The following IRX5 variants were observed in gnomAD, a reference collection of about 807,000 sequenced individuals.
The protein encoded by IRX5 is iroquois-class homeodomain protein IRX-5.
Under a neutral mutation model 37.6 loss-of-function variants are expected in IRX5, and 8 were observed. The ratio of observed to expected loss-of-function variants is 0.21; its 90% CI spans 0.12 to 0.38. IRX5 has a LOEUF of 0.38. IRX5 is among the 10% of genes least tolerant of loss of function. The probability of loss-of-function intolerance (pLI) is 1.00; values close to 1 mark genes in which losing one functional copy is unlikely to be tolerated. For synonymous variants in IRX5, 359 were observed against 328.6 expected (o/e 1.09, Z -1.00); for missense variants, 635 against 695.2 (o/e 0.91, Z 0.97).
chr16:54,931,411 C>T lies in IRX5; in HGVS notation c.213C>T (p.Pro71=), dbSNP rs1473572457. 1.3e-6 allele frequency: 2 copies of T among 1,593,006 alleles called. No homozygotes were observed. Among genetic ancestry groups the T allele is most frequent in the African/African-American group, 1.3e-5 (1 of 74,482 alleles). ...YNSHLQYGAD[P]AAAAAAAFSS... ...CGCACCTCCAGTACGGCGCCGACCC[C>T]GCGGCCGCCGCCGCCGCCGCCTTCT... Residue 71 remains proline, a synonymous_variant, in exon 1 of 3, where the codon CCC becomes CCT. Coordinates refer to ENST00000394636, the MANE Select transcript of IRX5 (RefSeq NM_005853.6).
rs755039206 is a variant in IRX5, at chr16:54,931,419, C to T, written c.221C>T (p.Ala74Val). 9 of 1,589,932 alleles carry T rather than the reference C, an allele frequency of 5.7e-6. No homozygotes were observed. The African/African-American group carries it at 1.1e-4, about 19-fold the overall frequency. ...HLQYGADPAA[A>V]AAAAFSSYVG... ...CAGTACGGCGCCGACCCCGCGGCCGCCGCCGCCGCCGCCTTCTCCTCGTAC... is the reference window on the plus strand; with the variant it reads ...CAGTACGGCGCCGACCCCGCGGCCGTCGCCGCCGCCGCCTTCTCCTCGTAC... Residue 74 changes from alanine to valine, a missense_variant, in exon 1 of 3, where the codon GCC becomes GTC. Ala to Val is a moderately conservative substitution (Grantham distance 64, BLOSUM62 0). This residue lies in a region of IRX5 where 145 missense variants were observed against 152.4 expected (regional missense o/e 0.95). Transcript: ENST00000394636.
Position 54,933,122 on chromosome 16 carries a change from GACC to G in IRX5, c.705_707del (p.Pro236del). On this transcript the variant is annotated inframe_deletion, in exon 3 of 3. Coordinates refer to ENST00000394636, the MANE Select transcript of IRX5 (RefSeq NM_005853.6). Reference sequence around the variant, plus strand: ...GCTTCGGGCTGCGAACGGCTTCAGGGACCACCCACCCCTGCAGGCAAGGAGACG... The same window carrying G: ...GCTTCGGGCTGCGAACGGCTTCAGGGACCCACCCCTGCAGGCAAGGAGACG... 1 of 1,588,186 alleles carries G rather than the reference GACC, an allele frequency of 6.3e-7. No homozygotes were observed. Among genetic ancestry groups the G allele is most frequent in the Non-Finnish European group, 8.5e-7 (1 of 1,173,564 alleles).
chr16:54,932,770 G>A lies in IRX5; in HGVS notation c.522G>A (p.Glu174=), dbSNP rs766798749. The change falls in exon 2 of 3, where the codon GAG becomes GAA. Residue 174 remains glutamate, a synonymous_variant. Transcript: ENST00000394636. This position sits in a 1 kb window ranked among gnomAD's most constrained non-coding sequence, Gnocchi z 6.7. ...ACGCGCGCCGGCGCCTCAAGAAAGA[G>A]AATAAAATGACGTGGACGCCGCGGA... The part of the protein sequence containing the change: ...FANARRRLKK[E]NKMTWTPRNR... 9.3e-6 allele frequency: 15 copies of A among 1,614,112 alleles called. No individual in the cohort carries two copies. The highest frequency in any genetic ancestry group is 1.2e-5 in the Non-Finnish European group (14 of 1,180,020).
In IRX5 at chr16:54,933,544, C is replaced by G. The variant is rs779616237; in HGVS notation, c.1123C>G (p.Arg375Gly). 2.5e-6 allele frequency: 4 copies of G among 1,607,196 alleles called. No homozygotes were observed. Among genetic ancestry groups the G allele is most frequent in the Non-Finnish European group, 3.4e-6 (4 of 1,176,772 alleles). The change falls in exon 3 of 3, where the codon CGG becomes GGG. Residue 375 changes from arginine to glycine, a missense_variant. Physicochemically the swap from Arg to Gly is moderately radical, Grantham distance 125. Transcript: ENST00000394636. ...AGCCGGGCAAGCCCTAGGAGGCAGC[C>G]GGGCGTCGCCGGCCCCGGCGCCGTC... ...PIAGQALGGS[R>G]ASPAPAPSRS...
At chr16:54,933,047 C>A (rs746270561) in intron 2 of IRX5, 30 bp from the exon 3 acceptor site, 5 of 1,602,850 alleles carry the variant, frequency 3.1e-6, no homozygotes, top group Admixed American at 1.7e-5. Context: ...GCGGCCTCTG[C>A]GCCCCTGACA....
chr16:54,932,821 G>C lies in IRX5; in HGVS notation c.573G>C (p.Glu191Asp), dbSNP rs750030693. 2 of 1,614,068 alleles carry C rather than the reference G, an allele frequency of 1.2e-6. No homozygotes were observed. The highest frequency in any genetic ancestry group is 1.7e-6 in the Non-Finnish European group (2 of 1,180,046). Residue 191 changes from glutamate (E) to aspartate (D), a missense_variant, in exon 2 of 3, where the codon GAG (glutamate) becomes GAC (aspartate). By Grantham distance (45) the Glu-to-Asp change is conservative. This residue lies in a region of IRX5 where 244 missense variants were observed against 205.4 expected (regional missense o/e 1.19). Coordinates refer to ENST00000394636, the MANE Select transcript of IRX5 (RefSeq NM_005853.6). The surrounding 1 kb of genome is among the most constrained non-coding windows in gnomAD (Gnocchi z 6.7). ...PRNRSEDEEE[E>D]ENIDLEKNDE... ...ACCGCAGCGAGGACGAGGAAGAGGAGGAGAACATTGACCTGGAGAAGAACG... is the reference window on the plus strand; with the variant it reads ...ACCGCAGCGAGGACGAGGAAGAGGACGAGAACATTGACCTGGAGAAGAACG...
In IRX5 at chr16:54,933,355, G is replaced by C; in HGVS notation, c.934G>C (p.Gly312Arg). The C allele has an allele frequency of 6.7e-7, 1 of 1,498,122 alleles. No individual in the cohort carries two copies. The highest frequency in any genetic ancestry group is 8.9e-7 in the Non-Finnish European group (1 of 1,128,234). The allele number at this position is 1,498,122 out of a possible 1,614,324, so 92.8% of individuals were successfully genotyped here. Residue 312 changes from glycine to arginine, a missense_variant, in exon 3 of 3, where the codon GGC becomes CGC. Gly to Arg is a moderately radical substitution (Grantham distance 125). Coordinates refer to ENST00000394636, the MANE Select transcript of IRX5 (RefSeq NM_005853.6). ...PAAGEVPPGPGGPSVIHSPPP... is the reference protein window; with the variant it reads ...PAAGEVPPGPRGPSVIHSPPP... Reference sequence around the variant, plus strand: ...CGCGGGCGAGGTGCCTCCGGGTCCCGGCGGGCCCTCGGTTATCCATTCGCC... The same window carrying C: ...CGCGGGCGAGGTGCCTCCGGGTCCCCGCGGGCCCTCGGTTATCCATTCGCC...
chr16:54,934,372 C>T lies in IRX5; in HGVS notation c.*499C>T, dbSNP rs577036213. On this transcript the variant is annotated 3_prime_UTR_variant, in exon 3 of 3. Transcript: ENST00000394636. Reference sequence around the variant, plus strand: ...TCTTAGATTTAAAAAGTGAAAGAAACTGCAGGCGCCTTTGTAAAATGCAAA... The same window carrying T: ...TCTTAGATTTAAAAAGTGAAAGAAATTGCAGGCGCCTTTGTAAAATGCAAA... 6.5e-6 allele frequency: 1 copy of T among 152,760 alleles called. No homozygotes were observed. Among genetic ancestry groups the T allele is most frequent in the African/African-American group, 2.4e-5 (1 of 41,578 alleles). The allele number at this position is 152,760 out of a possible 1,614,324, so 9.5% of individuals were successfully genotyped here. A position where few individuals can be genotyped will look rare whatever the true frequency, so the allele number is the denominator to read the frequency against.
In IRX5 at chr16:54,933,132, C is replaced by G. The variant is rs1423612986; in HGVS notation, c.711C>G (p.Thr237=). 6 of 1,586,474 alleles carry G rather than the reference C, an allele frequency of 3.8e-6. No homozygotes were observed. Among genetic ancestry groups the G allele is most frequent in the Non-Finnish European group, 5.1e-6 (6 of 1,173,112 alleles). Residue 237 remains threonine (T), a synonymous_variant, in exon 3 of 3, where the codon ACC becomes ACG. Coordinates refer to ENST00000394636, the MANE Select transcript of IRX5 (RefSeq NM_005853.6). The part of the protein sequence containing the change: ...SGCERLQGPP[T]PAGKETEGSL... ...GCGAACGGCTTCAGGGACCACCCAC[C>G]CCTGCAGGCAAGGAGACGGAGGGCA...
rs1234605957 is a variant in IRX5 at position 54,931,073 on chromosome 16, A to T, written c.-126A>T. 1.6e-6 allele frequency: 1 copy of T among 618,572 alleles called. No homozygotes were observed. Among genetic ancestry groups the T allele is most frequent in the Admixed American group, 5.9e-5 (1 of 16,818 alleles). 38.3% of individuals were successfully genotyped at this position (618,572 alleles called of 1,614,324 possible). A position where few individuals can be genotyped will look rare whatever the true frequency, so the allele number is the denominator to read the frequency against. ...GAGGCGCCGCGGGCCGGAGCCCCGG[A>T]GCCGGGGCCAGAGGAGCGGCGGCCC... is the stretch of plus-strand genomic sequence containing the variant. On this transcript the variant is annotated 5_prime_UTR_variant, in exon 1 of 3. Transcript: ENST00000394636.
chr16:54,932,950 AAGAG>A lies in IRX5; in HGVS notation c.655+50_655+53del. ...CGTGTTGGGCGGGAGTAAAAAGGAAAAGAGAGGCCTGGAGGGGGCGCGCACGGGG... is the reference window on the plus strand; with the variant it reads ...CGTGTTGGGCGGGAGTAAAAAGGAAAAGGCCTGGAGGGGGCGCGCACGGGG... On this transcript the variant is annotated intron_variant, in intron 2 of 2. Transcript: ENST00000394636. The surrounding 1 kb of genome is among the most constrained non-coding windows in gnomAD (Gnocchi z 6.7). 1 of 1,585,284 alleles carries A rather than the reference AAGAG, an allele frequency of 6.3e-7. No homozygotes were observed. Among genetic ancestry groups the A allele is most frequent in the Admixed American group, 1.8e-5 (1 of 54,810 alleles).
In IRX5 at chr16:54,931,384, C is replaced by T. The variant is rs1273132819; in HGVS notation, c.186C>T (p.Asn62=). 1.2e-6 allele frequency: 2 copies of T among 1,602,644 alleles called. No homozygotes were observed. The highest frequency in any genetic ancestry group is 1.3e-5 in the African/African-American group (1 of 74,828). Residue 62 remains asparagine, a synonymous_variant, in exon 1 of 3, where the codon AAC becomes AAT. Transcript: ENST00000394636. The part of the protein sequence containing the change: ...TAFTAPSPGY[N]SHLQYGADPA... ...TCACGGCGCCCTCGCCGGGCTACAACTCGCACCTCCAGTACGGCGCCGACC... is the reference window on the plus strand; with the variant it reads ...TCACGGCGCCCTCGCCGGGCTACAATTCGCACCTCCAGTACGGCGCCGACC...
chr16:54,933,498 C>T lies in IRX5; in HGVS notation c.1077C>T (p.Cys359=), dbSNP rs1439357727. 1.9e-6 allele frequency: 3 copies of T among 1,610,916 alleles called. No individual in the cohort carries two copies. The highest frequency in any genetic ancestry group is 2.5e-6 in the Non-Finnish European group (3 of 1,179,010). Residue 359 remains cysteine (C), a synonymous_variant, in exon 3 of 3, where the codon TGC becomes TGT. Coordinates refer to ENST00000394636, the MANE Select transcript of IRX5 (RefSeq NM_005853.6). ...GCGGCGGGAACGAGGGCTCTCCATG[C>T]CCACCGTGTCCCGGGCCCATAGCCG... is the stretch of plus-strand genomic sequence containing the variant. ...DGGGGNEGSP[C]PPCPGPIAGQ...
chr16:54,933,063 G>A lies in IRX5; in HGVS notation c.656-14G>A, dbSNP rs1194437897. 4.4e-6 allele frequency: 7 copies of A among 1,601,054 alleles called. No homozygotes were observed. Among genetic ancestry groups the A allele is most frequent in the Middle Eastern group, 4.5e-4 (2 of 4,466 alleles). On this transcript the variant is annotated splice_polypyrimidine_tract_variant and intron_variant, in intron 2 of 2. Coordinates refer to ENST00000394636, the MANE Select transcript of IRX5 (RefSeq NM_005853.6). ...CGGCCTCTGCGCCCCTGACAGCCTG[G>A]GTTTCGCCCGCAGGAGGAGCTGAGC...
rs201130194 is a variant in IRX5 at position 54,932,719 on chromosome 16, C to T, written c.471C>T (p.Leu157=). The T allele has an allele frequency of 5.3e-5, 86 of 1,614,006 alleles. No individual in the cohort carries two copies. The East Asian group carries it at 1.9e-3, about 36-fold the overall frequency. ...TGGCCATCATCACCAAGATGACCCT[C>T]ACCCAGGTGTCCACCTGGTTCGCCA... ...IMLAIITKMT[L]TQVSTWFANA... Residue 157 remains leucine (L), a synonymous_variant, in exon 2 of 3, where the codon CTC becomes CTT. Coordinates refer to ENST00000394636, the MANE Select transcript of IRX5 (RefSeq NM_005853.6). This position sits in a 1 kb window ranked among gnomAD's most constrained non-coding sequence, Gnocchi z 6.7.
At position 54,934,030 on chromosome 16, in the gene IRX5, A is replaced by G. The variant is rs1263677954; in HGVS notation, c.*157A>G. The G allele has an allele frequency of 3.0e-6, 2 of 672,170 alleles. No homozygotes were observed. Among genetic ancestry groups the G allele is most frequent in the African/African-American group, 3.6e-5 (2 of 54,938 alleles). The allele number at this position is 672,170 out of a possible 1,614,324, so 41.6% of individuals were successfully genotyped here. A position where few individuals can be genotyped will look rare whatever the true frequency, so the allele number is the denominator to read the frequency against. On this transcript the variant is annotated 3_prime_UTR_variant, in exon 3 of 3. Transcript: ENST00000394636. ...ATGGAGATGGATGACATAAAAATGT[A>G]AACATCTCCACACAAAAAAAAAAAT...
At position 54,933,166 on chromosome 16, in the gene IRX5, G is replaced by C. The variant is rs1963922437; in HGVS notation, c.745G>C (p.Asp249His). Residue 249 changes from aspartate to histidine, a missense_variant, in exon 3 of 3, where the codon GAC becomes CAC. Asp to His is a moderately conservative substitution (Grantham distance 81). Coordinates refer to ENST00000394636, the MANE Select transcript of IRX5 (RefSeq NM_005853.6). ...AGKETEGSLSDSDFKEPPSEG... is the reference protein window; with the variant it reads ...AGKETEGSLSHSDFKEPPSEG... Reference sequence around the variant, plus strand: ...CAAGGAGACGGAGGGCAGCCTCAGCGACTCGGATTTTAAGGAGCCGCCCTC... The same window carrying C: ...CAAGGAGACGGAGGGCAGCCTCAGCCACTCGGATTTTAAGGAGCCGCCCTC... The C allele has an allele frequency of 1.3e-6, 2 of 1,570,370 alleles. No individual in the cohort carries two copies. Among genetic ancestry groups the C allele is most frequent in the Non-Finnish European group, 8.6e-7 (1 of 1,166,022 alleles).
In IRX5 at chr16:54,934,074, G is replaced by C; in HGVS notation, c.*201G>C. 1 of 440,172 alleles carries C rather than the reference G, an allele frequency of 2.3e-6. No individual in the cohort carries two copies. The highest frequency in any genetic ancestry group is 4.1e-5 in the Admixed American group (1 of 24,220). 27.3% of individuals were successfully genotyped at this position (440,172 alleles called of 1,614,324 possible). A position where few individuals can be genotyped will look rare whatever the true frequency, so the allele number is the denominator to read the frequency against. ...AAAAAATGTCTTAACCAACCGAAAA[G>C]AAAAATTAAAAAAGGATTTGTATTA... On this transcript the variant is annotated 3_prime_UTR_variant, in exon 3 of 3. Transcript: ENST00000394636.
chr16:54,931,203 C>T lies in IRX5; in HGVS notation c.5C>T (p.Ser2Phe). Residue 2 changes from serine to phenylalanine, a missense_variant, in exon 1 of 3, where the codon TCC (serine) becomes TTC (phenylalanine). By Grantham distance (155) the Ser-to-Phe change is radical. Around this residue, in one of 5 missense-constraint regions of IRX5, gnomAD observed 145 missense variants for 152.4 expected, o/e 0.95. Transcript: ENST00000394636. ...GCCCCATGCCCGTGTGTGGCCATGT[C>T]CTATCCGCAGGGCTACTTGTACCAG... M[S>F]YPQGYLYQPS... 6.2e-7 allele frequency: 1 copy of T among 1,607,366 alleles called. No individual in the cohort carries two copies. Among genetic ancestry groups the T allele is most frequent in the South Asian group, 1.1e-5 (1 of 90,288 alleles).
Sources: allele counts gnomAD v4.1 joint callset, GRCh38; gene constraint gnomAD v4.1.1; regional missense constraint gnomAD v4.1.1; non-coding constraint Gnocchi (gnomAD v3.1); transcripts MANE v1.5; gene names NCBI Gene and HGNC (gene_info 2026-07-23, HGNC 2026-07-21).